The following CCND3 variants were observed in gnomAD, a reference collection of about 807,000 sequenced individuals.
The protein encoded by CCND3 is G1/S-specific cyclin-D3.
Under a neutral mutation model 28.7 loss-of-function variants are expected in CCND3, and 9 were observed. The ratio of observed to expected loss-of-function variants is 0.31; its 90% CI spans 0.19 to 0.55. CCND3 has a LOEUF of 0.55. Among genes scored for constraint, CCND3 ranks in the 20% least tolerant of loss-of-function variants. The probability of loss-of-function intolerance (pLI) is 0.93; values close to 1 mark genes in which losing one functional copy is unlikely to be tolerated. For synonymous variants in CCND3, 164 were observed against 163.9 expected (o/e 1.00, Z 0.00); for missense variants, 315 against 385.8 (o/e 0.82, Z 1.54).
intron 1 of CCND3, among the ~76,000 whole-genome samples, chr6:42,008,166 A>T (rs1224634810): frequency 2.0e-5 from 3 of 152,246 alleles, no homozygotes; most frequent in African/African-American, 7.2e-5. Flanking sequence ...AGATCACCTC[A>T]GGTCAGGGGT....
intron 1 of CCND3, among the ~76,000 whole-genome samples, chr6:41,980,574 ATG>A (rs1390688726): frequency 6.6e-6 from 1 of 152,188 alleles, no homozygotes; most frequent in Non-Finnish European, 1.5e-5. Context: ...GCAGACACAA[ATG>A]TTAGAAGAAA....
At chr6:42,013,913 G>T (rs1008610651) in intron 1 of CCND3, among the ~76,000 whole-genome samples, 1 of 151,110 alleles carries the variant, frequency 6.6e-6, no homozygotes, top group Non-Finnish European at 1.5e-5. Context: ...TTCCACGAAA[G>T]ATACAAAAAT....
At chr6:41,994,167 A>G (rs899752645) in intron 1 of CCND3, among the ~76,000 whole-genome samples, 23 of 151,588 alleles carry the variant, frequency 1.5e-4, no homozygotes, top group Admixed American at 3.3e-4. Context: ...CCACCTCTAG[A>G]TAGACAAACT....
chr6:42,001,775 T>C (rs1763019084), intron 1 of CCND3, among the ~76,000 whole-genome samples: 1 of 152,100 alleles, frequency 6.6e-6, no homozygotes, highest in African/African-American at 2.4e-5. Flanking sequence ...CTGTCCCATA[T>C]TTTGATTCAG....
intron 1 of CCND3, among the ~76,000 whole-genome samples, chr6:42,044,699 G>A (rs373296995): frequency 2.2e-4 from 33 of 152,054 alleles, no homozygotes; most frequent in Non-Finnish European, 3.7e-4. Context: ...CCCCTTTGCT[G>A]CAATCTTCCA....
rs975552228 is a variant in CCND3 at position 42,048,082 on chromosome 6, T to C, written c.-46+419A>G. 1.9e-5 allele frequency: 3 copies of C among 159,184 alleles called. No individual in the cohort carries two copies. Among genetic ancestry groups the C allele is most frequent in the Non-Finnish European group, 2.8e-5 (2 of 72,468 alleles). The allele number at this position is 159,184 out of a possible 1,614,324, so 9.9% of individuals were successfully genotyped here. ...CAGAAGAAGCTAAGATCATCATCTATGTATCAATCAGACACCACTGAGGGG... is the reference window on the plus strand; with the variant it reads ...CAGAAGAAGCTAAGATCATCATCTACGTATCAATCAGACACCACTGAGGGG... On this transcript the variant is annotated intron_variant, in intron 1 of 4. Coordinates refer to the CCND3 transcript ENST00000372988. This position sits in a 1 kb window ranked among gnomAD's most constrained non-coding sequence, Gnocchi z 4.7.
intron 1 of CCND3, among the ~76,000 whole-genome samples, chr6:41,965,590 C>G (rs935899004): frequency 6.6e-6 from 1 of 152,092 alleles, no homozygotes; most frequent in Non-Finnish European, 1.5e-5. Context: ...CAAGGAACAT[C>G]CACATTTAAG....
chr6:42,000,386 G>A (rs902173467), intron 1 of CCND3, among the ~76,000 whole-genome samples: 1 of 148,580 alleles, frequency 6.7e-6, no homozygotes, highest in Non-Finnish European at 1.5e-5. Flanking sequence ...GACTACAGGC[G>A]CCCGACACCA....
intron 1 of CCND3, among the ~76,000 whole-genome samples, chr6:42,015,166 A>G (rs1421249620): frequency 6.6e-6 from 1 of 152,218 alleles, no homozygotes; most frequent in Non-Finnish European, 1.5e-5. Flanking sequence ...TCATACATCT[A>G]GCATGAATCT....
chr6:41,972,884 A>C (rs987400772), intron 1 of CCND3, among the ~76,000 whole-genome samples: 2 of 149,556 alleles, frequency 1.3e-5, no homozygotes, highest in Non-Finnish European at 3.0e-5. Flanking sequence ...TATATATTTA[A>C]AAATTAAAAA....
chr6:41,976,979 C>G (rs5021883), intron 1 of CCND3, among the ~76,000 whole-genome samples: 1 of 152,130 alleles, frequency 6.6e-6, no homozygotes, highest in Non-Finnish European at 1.5e-5. Flanking sequence ...TGCAAAGAAC[C>G]GTACAACAGT....
rs370072284 is a variant in CCND3 at position 42,044,956 on chromosome 6, CGTTT to C, written c.-46+3541_-46+3544del. 2.4e-5 allele frequency among the ~76,000 whole-genome samples: 3 copies of C among 123,918 alleles called. 1 individual carries two copies. The allele number at this position is 123,918 out of a possible 152,430, so 81.3% of individuals were successfully genotyped here. A position where few individuals can be genotyped will look rare whatever the true frequency, so the allele number is the denominator to read the frequency against. On this transcript the variant is annotated intron_variant, in intron 1 of 4. Coordinates refer to the CCND3 transcript ENST00000372988. ...GGCCCGTGCGACCACGCCCGGCTAA[CGTTT>C]TTTTTTTTTTTTTTTTTGTATTTTT...
chr6:42,043,451 A>G (rs1764431605), intron 1 of CCND3, among the ~76,000 whole-genome samples: 1 of 152,158 alleles, frequency 6.6e-6, no homozygotes, highest in Non-Finnish European at 1.5e-5. Context: ...GAATCACTTG[A>G]ATCTGGGAGG....
chr6:41,953,018 T>A (rs1776350956), intron 1 of CCND3, among the ~76,000 whole-genome samples: 1 of 152,114 alleles, frequency 6.6e-6, no homozygotes, highest in Non-Finnish European at 1.5e-5. Flanking sequence ...ATGCCTGTAA[T>A]CCCAGCACTT....
At chr6:41,990,341 G>T (rs1582137776) in intron 1 of CCND3, among the ~76,000 whole-genome samples, 1 of 152,072 alleles carries the variant, frequency 6.6e-6, no homozygotes, top group Admixed American at 6.6e-5. Context: ...TGGATTGGAA[G>T]AATTAATATT....
chr6:42,019,039 G>C (rs75154565), intron 1 of CCND3, among the ~76,000 whole-genome samples: 2,316 of 152,088 alleles, frequency 0.015, 55 homozygotes, highest in African/African-American at 0.052. Flanking sequence ...ACACAAATTA[G>C]ATATTCTTGT....
chr6:42,029,272 T>C (rs1763977793), intron 1 of CCND3, among the ~76,000 whole-genome samples: 1 of 152,028 alleles, frequency 6.6e-6, no homozygotes, highest in African/African-American at 2.4e-5. Flanking sequence ...ATTACAGGCA[T>C]GAGCCACTGC....
chr6:41,952,351 A>C (rs1776337108), intron 1 of CCND3, among the ~76,000 whole-genome samples: 1 of 152,182 alleles, frequency 6.6e-6, no homozygotes, highest in African/African-American at 2.4e-5. Flanking sequence ...GAAGGGACAG[A>C]GGCCAGTGAA....
chr6:41,967,109 C>T (rs1242772216), intron 1 of CCND3, among the ~76,000 whole-genome samples: 1 of 152,088 alleles, frequency 6.6e-6, no homozygotes, highest in Non-Finnish European at 1.5e-5. Flanking sequence ...AGGAAAAAAA[C>T]AAAACAAAAC....
Sources: gnomAD v4.1 joint callset for allele counts (sites outside exome capture counted in the v4.1 genomes callset) on GRCh38, gnomAD v4.1.1 for gene constraint, Gnocchi (gnomAD v3.1) non-coding constraint, MANE v1.5 for transcripts, NCBI Gene and HGNC (gene_info 2026-07-23, HGNC 2026-07-21) for gene names.